SLC24A2: variants seen among roughly 807,000 people sequenced by gnomAD.
SLC24A2 encodes sodium/potassium/calcium exchanger 2.
Under a neutral mutation model 62.0 loss-of-function variants are expected in SLC24A2, and 36 were observed. The ratio of observed to expected loss-of-function variants is 0.58; its 90% CI spans 0.44 to 0.77. The LOEUF (loss-of-function observed/expected upper bound fraction) is 0.77. Ranked by LOEUF, SLC24A2 falls within the 30% of genes least tolerant of loss-of-function variation. SLC24A2 has a pLI of 0.00. For synonymous variants in SLC24A2, 358 were observed against 294.0 expected (o/e 1.22, Z -2.23); for missense variants, 846 against 817.9 (o/e 1.03, Z -0.42).
the SLC24A2 span, among the ~76,000 whole-genome samples, chr9:19,948,793 G>A: frequency 1.4e-5 from 2 of 146,876 alleles, no homozygotes; most frequent in East Asian, 4.1e-4. Context: ...TGCAGTGAGC[G>A]GAGATCGCGC....
the SLC24A2 span, among the ~76,000 whole-genome samples, chr9:20,260,849 C>CTTTTTTT: frequency 7.8e-5 from 7 of 90,278 alleles, no homozygotes; most frequent in Admixed American, 1.5e-4. Flanking sequence ...ATCATTCTTT[C>CTTTTTTT]TTTTTTTTTT....
the SLC24A2 span, among the ~76,000 whole-genome samples, chr9:20,007,086 C>T: frequency 1.3e-5 from 2 of 152,094 alleles, no homozygotes; most frequent in Non-Finnish European, 1.5e-5. Flanking sequence ...CTGTATCATG[C>T]TAAGGACTGG....
chr9:19,980,340 T>C, the SLC24A2 span, among the ~76,000 whole-genome samples: 2 of 152,076 alleles, frequency 1.3e-5, no homozygotes, highest in African/African-American at 4.8e-5. Context: ...GCATTTTAGG[T>C]TAAAGAAATA....
chr9:19,659,993 T>G (rs1819050372), intron 2 of SLC24A2, among the ~76,000 whole-genome samples: 1 of 152,170 alleles, frequency 6.6e-6, no homozygotes, highest in East Asian at 1.9e-4. Flanking sequence ...GACCAAGACT[T>G]TTTTGAATAC....
chr9:20,082,956 A>G, the SLC24A2 span, among the ~76,000 whole-genome samples: 5 of 152,340 alleles, frequency 3.3e-5, no homozygotes, highest in African/African-American at 1.2e-4. Context: ...CTGTGTCTCA[A>G]TAGAGAAACA....
chr9:20,230,474 C>A, the SLC24A2 span, among the ~76,000 whole-genome samples: 1 of 152,234 alleles, frequency 6.6e-6, no homozygotes, highest in Non-Finnish European at 1.5e-5. Flanking sequence ...TTGCATTTCT[C>A]TGATGGCCAG....
chr9:20,078,984 G>A, the SLC24A2 span, among the ~76,000 whole-genome samples: 12 of 147,828 alleles, frequency 8.1e-5, no homozygotes, highest in East Asian at 1.2e-3. Context: ...AGAAATGTTC[G>A]TATGCTAACC....
intron 4 of SLC24A2, among the ~76,000 whole-genome samples, chr9:19,601,431 T>TTTTGC (rs1398530813): frequency 1.3e-5 from 2 of 152,194 alleles, no homozygotes; most frequent in Non-Finnish European, 2.9e-5. Flanking sequence ...AGCTTTGTTC[T>TTTTGC]TTTGCTTTTC....
At chr9:19,788,566 C>T in intron 1 of SLC24A2, 1 of 985,452 alleles carries the variant, frequency 1.0e-6, no homozygotes, top group Non-Finnish European at 1.2e-6. Context: ...TTTGGTGAGG[C>T]GCTTGGCCCG....
chr9:20,242,285 G>T, the SLC24A2 span, among the ~76,000 whole-genome samples: 5 of 152,166 alleles, frequency 3.3e-5, no homozygotes, highest in African/African-American at 4.8e-5. Flanking sequence ...GGAGTCCTGA[G>T]AAATAGGGCT....
the SLC24A2 span, among the ~76,000 whole-genome samples, chr9:19,799,080 T>C: frequency 1.3e-5 from 2 of 152,220 alleles, no homozygotes; most frequent in Non-Finnish European, 2.9e-5. Context: ...AAATAGGTTT[T>C]ATTCTACTTC....
the SLC24A2 span, among the ~76,000 whole-genome samples, chr9:19,855,089 T>C: frequency 6.6e-6 from 1 of 152,198 alleles, no homozygotes; most frequent in African/African-American, 2.4e-5. Context: ...AAAGTCTGTT[T>C]TGTCAGAAAC....
chr9:20,242,965 A>G, the SLC24A2 span, among the ~76,000 whole-genome samples: 1 of 152,176 alleles, frequency 6.6e-6, no homozygotes, highest in Non-Finnish European at 1.5e-5. Context: ...AGCCACTTGC[A>G]AAACGAAAAG....
In SLC24A2 at chr9:19,747,472, G is replaced by C. The variant is rs139001934; in HGVS notation, c.930+38465C>G. 3.5e-3 allele frequency among the ~76,000 whole-genome samples: 529 copies of C among 152,202 alleles called. 2 individuals are homozygous for C. Among genetic ancestry groups the C allele is most frequent in the African/African-American group, 0.012 (505 of 41,522 alleles). On this transcript the variant is annotated intron_variant, in intron 2 of 10. Coordinates refer to ENST00000341998, the MANE Select transcript of SLC24A2 (RefSeq NM_020344.4). ...CCTCAATCTCTTCATCTGTAAAAGA[G>C]GGATAATAATCCTACATAGAAGAGG...
chr9:20,130,971 G>A, the SLC24A2 span, among the ~76,000 whole-genome samples: 1 of 152,020 alleles, frequency 6.6e-6, no homozygotes, highest in Non-Finnish European at 1.5e-5. Flanking sequence ...CTTATCTCCT[G>A]CATGGGGGCT....
the SLC24A2 span, among the ~76,000 whole-genome samples, chr9:20,088,827 T>C: frequency 3.3e-5 from 5 of 151,954 alleles, no homozygotes; most frequent in Admixed American, 1.3e-4. Flanking sequence ...AGTCTGTAAT[T>C]CCCTGGAACA....
At chr9:19,839,528 A>G in the SLC24A2 span, among the ~76,000 whole-genome samples, 4 of 152,002 alleles carry the variant, frequency 2.6e-5, no homozygotes, top group African/African-American at 9.7e-5. Context: ...TCTTTTGTGT[A>G]GTGGATTGAT....
chr9:19,736,972 T>C lies in SLC24A2; in HGVS notation c.930+48965A>G, dbSNP rs181702693. Among the ~76,000 whole-genome samples the C allele has an allele frequency of 2.0e-3, 300 of 152,252 alleles. 4 individuals carry two copies. The highest frequency in any genetic ancestry group is 6.9e-3 in the African/African-American group (287 of 41,554). The stretch of plus-strand genomic sequence containing the variant: ...CAAAGCAAAAATTAACTGAACTAAA[T>C]GGGAAACAGACAAATCTGCAAATAT... On this transcript the variant is annotated intron_variant, in intron 2 of 10. Transcript: ENST00000341998.
At chr9:20,101,001 G>A in the SLC24A2 span, among the ~76,000 whole-genome samples, 1 of 152,180 alleles carries the variant, frequency 6.6e-6, no homozygotes, top group African/African-American at 2.4e-5. Flanking sequence ...AACCTTCCTT[G>A]AAACTATGGT....
Sources: allele counts gnomAD v4.1 joint callset (sites outside exome capture counted in the v4.1 genomes callset), GRCh38; gene constraint gnomAD v4.1.1; transcripts MANE v1.5; gene names NCBI Gene and HGNC (gene_info 2026-07-23, HGNC 2026-07-21).